The following CDH7 variants were observed in gnomAD, a reference collection of about 807,000 sequenced individuals.
CDH7 encodes cadherin 7, also known as cadherin-7.
Under a neutral mutation model 71.8 loss-of-function variants are expected in CDH7, and 25 were observed. The ratio of observed to expected loss-of-function variants is 0.35; its 90% confidence interval spans 0.25 to 0.49. The LOEUF is 0.49. Among genes scored for constraint, CDH7 ranks in the 20% least tolerant of loss-of-function variants. The probability of loss-of-function intolerance (pLI) is 0.99; values close to 1 mark genes in which losing one functional copy is unlikely to be tolerated. For missense variants in CDH7, 862 were observed against 974.6 expected, an observed-to-expected ratio of 0.88 and a Z score of 1.54; for synonymous variants, 381 against 363.8, an observed-to-expected ratio of 1.05 and a Z score of -0.54.
At chr18:65,832,287 G>A (rs1179285825) in intron 6 of CDH7, among the ~76,000 whole-genome samples, 2 of 151,860 alleles carry the variant, frequency 1.3e-5, no homozygotes, top group Admixed American at 6.6e-5. Context: ...ACATTTGAAT[G>A]TATTATACTT....
At chr18:65,757,965 C>T in intron 1 of CDH7, among the ~76,000 whole-genome samples, 1 of 152,076 alleles carries the variant, frequency 6.6e-6, no homozygotes, top group Non-Finnish European at 1.5e-5. Context: ...ACAACATAGA[C>T]TTCTAAAGAG....
intron 2 of CDH7, among the ~76,000 whole-genome samples, chr18:65,804,699 C>CGTTGTGTGT (rs1555684441): frequency 1.3e-5 from 2 of 148,708 alleles, no homozygotes; most frequent in African/African-American, 4.9e-5. Flanking sequence ...CCTTAACACA[C>CGTTGTGTGT]GTGTGTGTGT....
At chr18:65,860,532 G>T (rs1174694323) in intron 10 of CDH7, among the ~76,000 whole-genome samples, 3 of 152,046 alleles carry the variant, frequency 2.0e-5, no homozygotes, top group African/African-American at 7.2e-5. Flanking sequence ...TGCTATCATT[G>T]TCTAATTTTG....
At chr18:65,794,493 A>T (rs1910835061) in intron 2 of CDH7, among the ~76,000 whole-genome samples, 1 of 151,888 alleles carries the variant, frequency 6.6e-6, no homozygotes, top group Admixed American at 6.6e-5. Flanking sequence ...TAATGGGTGG[A>T]GTGGAGACAA....
intron 2 of CDH7, among the ~76,000 whole-genome samples, chr18:65,778,291 A>C (rs1042720332): frequency 1.3e-5 from 2 of 150,830 alleles, no homozygotes; most frequent in Non-Finnish European, 3.0e-5. Flanking sequence ...AAAAAAAAAA[A>C]AAAAAAAAAA....
At position 65,828,649 on chromosome 18, in the gene CDH7, G is replaced by T. The variant is rs74667520; in HGVS notation, c.981+3818G>T. 1.0e-2 allele frequency among the ~76,000 whole-genome samples: 1,518 copies of T among 152,220 alleles called. 27 individuals are homozygous for T. The highest frequency in any genetic ancestry group is 0.035 in the African/African-American group (1,455 of 41,536). On this transcript the variant is annotated intron_variant, in intron 6 of 11. Transcript: ENST00000397968. ...TTTGAGCGATCCAAAGTTATACACA[G>T]ATTTTTGGCTGTGTCGGTGGTGGTT...
At chr18:65,851,881 C>G (rs1913162526) in intron 7 of CDH7, among the ~76,000 whole-genome samples, 1 of 152,066 alleles carries the variant, frequency 6.6e-6, no homozygotes, top group South Asian at 2.1e-4. Context: ...TGGTGTAGCA[C>G]AAGGAGCATT....
chr18:65,781,772 T>TTTCTTTCTTTCTA lies in CDH7; in HGVS notation c.210+18721_210+18722insTCTTTCTTTCTAT, dbSNP rs1568181261. 2.7e-3 allele frequency among the ~76,000 whole-genome samples: 203 copies of TTTCTTTCTTTCTA among 75,762 alleles called. 11 individuals are homozygous for TTTCTTTCTTTCTA. The highest frequency in any genetic ancestry group is 8.5e-3 in the Middle Eastern group (1 of 118). The allele number at this position is 75,762 out of a possible 152,430, so 49.7% of individuals were successfully genotyped here. A position where few individuals can be genotyped will look rare whatever the true frequency, so the allele number is the denominator to read the frequency against. The stretch of plus-strand genomic sequence containing the variant: ...TTGATTTCTTTCTTTCTTTCTTTCC[T>TTTCTTTCTTTCTA]TCCTTCCTTCCTTCCTTCCTTCCTT... On this transcript the variant is annotated intron_variant, in intron 2 of 11. Coordinates refer to ENST00000397968, the MANE Select transcript of CDH7 (RefSeq NM_004361.5).
At chr18:65,761,726 G>A (rs2143785490) in intron 1 of CDH7, among the ~76,000 whole-genome samples, 1 of 152,190 alleles carries the variant, frequency 6.6e-6, no homozygotes. Context: ...TTTTGTAACT[G>A]ATTTTATATC....
At chr18:65,763,087 T>C in intron 2 of CDH7, 35 bp downstream of exon 2, 1 of 1,452,344 alleles carries the variant, frequency 6.9e-7, no homozygotes, top group Non-Finnish European at 9.5e-7. Flanking sequence ...TTGTAAATGA[T>C]TATTGTCCAT....
intron 11 of CDH7, among the ~76,000 whole-genome samples, chr18:65,870,334 G>A (rs542975411): frequency 6.6e-5 from 10 of 152,226 alleles, no homozygotes; most frequent in South Asian, 2.1e-4. Flanking sequence ...TCCATAGCAC[G>A]TAAATCCACT....
At chr18:65,764,936 C>G (rs1365968199) in intron 2 of CDH7, among the ~76,000 whole-genome samples, 1 of 152,012 alleles carries the variant, frequency 6.6e-6, no homozygotes, top group African/African-American at 2.4e-5. Context: ...CCCTATGTTA[C>G]TTAAATTCCA....
rs1248830129 is a variant in CDH7 at position 65,782,140 on chromosome 18, T to C, written c.210+19088T>C. Among the ~76,000 whole-genome samples the C allele has an allele frequency of 9.6e-3, 940 of 98,140 alleles. 115 individuals carry two copies. Among genetic ancestry groups the C allele is most frequent in the African/African-American group, 0.024 (355 of 14,944 alleles). The allele number at this position is 98,140 out of a possible 152,430, so 64.4% of individuals were successfully genotyped here. A position where few individuals can be genotyped will look rare whatever the true frequency, so the allele number is the denominator to read the frequency against. ...TTTCTTTCTTTCTTTCTTTCTTTCT[T>C]TCTTTCTTTCTTTCTTTCTTTCTTC... On this transcript the variant is annotated intron_variant, in intron 2 of 11. Coordinates refer to ENST00000397968, the MANE Select transcript of CDH7 (RefSeq NM_004361.5).
chr18:65,764,388 C>T (rs1447139778), intron 2 of CDH7, among the ~76,000 whole-genome samples: 1 of 151,962 alleles, frequency 6.6e-6, no homozygotes, highest in Non-Finnish European at 1.5e-5. Context: ...CATTTTCCTA[C>T]CTAAGCTTAT....
At position 65,770,001 on chromosome 18, in the gene CDH7, T is replaced by G. The variant is rs148189663; in HGVS notation, c.210+6949T>G. Reference sequence around the variant, plus strand: ...GAAAGAGATATAAAATAACCTAAACTCTCATTACAGATGGGAATAAATACT... The same window carrying G: ...GAAAGAGATATAAAATAACCTAAACGCTCATTACAGATGGGAATAAATACT... On this transcript the variant is annotated intron_variant, in intron 2 of 11. Transcript: ENST00000397968. Among the ~76,000 whole-genome samples, 31 of 152,186 alleles carry G rather than the reference T, an allele frequency of 2.0e-4. No individual in the cohort carries two copies. The East Asian group carries it at 5.6e-3, about 27-fold the overall frequency.
rs142733191 is a variant in CDH7, at chr18:65,880,654, C to T, written c.2118C>T (p.Ile706=). The T allele has an allele frequency of 2.2e-5, 36 of 1,613,938 alleles. 1 individual carries two copies. The highest frequency in any genetic ancestry group is 3.0e-5 in the Non-Finnish European group (35 of 1,179,988). The change falls in exon 12 of 12, where the codon ATC becomes ATT. Residue 706 remains isoleucine (I), a synonymous_variant. Coordinates refer to ENST00000397968, the MANE Select transcript of CDH7 (RefSeq NM_004361.5). The part of the protein sequence containing the change: ...PAFKSIPDNV[I]FREFIWERLK... ...TTAAAAGCATCCCAGATAATGTCAT[C>T]TTTAGGGAATTTATTTGGGAAAGAT...
chr18:65,776,034 AAATTATTAG>A (rs1909928748), intron 2 of CDH7, among the ~76,000 whole-genome samples: 1 of 152,204 alleles, frequency 6.6e-6, no homozygotes, highest in Non-Finnish European at 1.5e-5. Context: ...TTATATTTAT[AAATTATTAG>A]AGTAAGAACA....
chr18:65,763,999 G>A (rs1243884681), intron 2 of CDH7, among the ~76,000 whole-genome samples: 1 of 151,948 alleles, frequency 6.6e-6, no homozygotes, highest in Non-Finnish European at 1.5e-5. Flanking sequence ...GGGTATATTA[G>A]CACAAAATCT....
intron 6 of CDH7, among the ~76,000 whole-genome samples, chr18:65,830,764 C>G (rs770861908): frequency 8.3e-6 from 1 of 119,780 alleles, no homozygotes; most frequent in Non-Finnish European, 1.7e-5. Context: ...TTTTCTCTCT[C>G]TCTTTTCTTA....
Sources: allele counts gnomAD v4.1 joint callset (sites outside exome capture counted in the v4.1 genomes callset), GRCh38; gene constraint gnomAD v4.1.1; transcripts MANE v1.5; gene names NCBI Gene and HGNC (gene_info 2026-07-23, HGNC 2026-07-21).